NRXN1: variants seen among roughly 807,000 people sequenced by gnomAD.
The protein encoded by NRXN1 is neurexin-1.
Under a neutral mutation model 150.9 loss-of-function variants are expected in NRXN1, and 39 were observed. The ratio of observed to expected loss-of-function variants is 0.26; its 90% confidence interval spans 0.20 to 0.34. The LOEUF (loss-of-function observed/expected upper bound fraction) is 0.34, where lower values mean the gene tolerates loss of function less well. Ranked by LOEUF, NRXN1 falls within the 10% of genes least tolerant of loss-of-function variation. The pLI, the probability that NRXN1 is intolerant of heterozygous loss-of-function variation, is 1.00. For missense variants in NRXN1, 1,815 were observed against 1,949.9 expected (o/e 0.93, Z 1.30); for synonymous variants, 924 against 757.0 (o/e 1.22, Z -3.62).
intron 5 of NRXN1, among the ~76,000 whole-genome samples, chr2:50,807,411 TA>T (rs1175465478): frequency 6.6e-6 from 1 of 152,100 alleles, no homozygotes; most frequent in East Asian, 1.9e-4. Flanking sequence ...AAAGAGATTA[TA>T]ACTCTTTTTT....
intron 15 of NRXN1, among the ~76,000 whole-genome samples, chr2:50,480,692 T>G (rs1410531182): frequency 1.3e-5 from 2 of 152,156 alleles, no homozygotes; most frequent in African/African-American, 2.4e-5. Flanking sequence ...GTCCTTCTAG[T>G]TTGTAGCTTC....
intron 18 of NRXN1, among the ~76,000 whole-genome samples, chr2:50,190,145 C>G (rs1294860326): frequency 6.6e-6 from 1 of 152,048 alleles, no homozygotes; most frequent in Non-Finnish European, 1.5e-5. Flanking sequence ...AGAGTAAGAT[C>G]ATGAAAATGG....
At chr2:50,987,023 T>G (rs1372778074) in intron 2 of NRXN1, among the ~76,000 whole-genome samples, 4 of 152,034 alleles carry the variant, frequency 2.6e-5, no homozygotes, top group Middle Eastern at 3.4e-3. Context: ...GCTATTCATC[T>G]TTTACAATAA....
At chr2:50,845,689 A>G (rs1008488861) in intron 5 of NRXN1, among the ~76,000 whole-genome samples, 3 of 152,214 alleles carry the variant, frequency 2.0e-5, no homozygotes, top group Non-Finnish European at 4.4e-5. Flanking sequence ...GTCAAGTGAT[A>G]CAGTAGCATA....
chr2:50,818,000 G>C (rs550922625), intron 5 of NRXN1, among the ~76,000 whole-genome samples: 10 of 150,490 alleles, frequency 6.6e-5, no homozygotes, highest in South Asian at 2.1e-4. Flanking sequence ...GTCCCAGCTA[G>C]AGCAATGAAG....
At chr2:50,430,734 G>A (rs892218400) in intron 17 of NRXN1, among the ~76,000 whole-genome samples, 3 of 152,186 alleles carry the variant, frequency 2.0e-5, no homozygotes, top group Admixed American at 2.0e-4. Flanking sequence ...ATACTGCTGA[G>A]AACATTTCAA....
intron 21 of NRXN1, among the ~76,000 whole-genome samples, chr2:49,982,144 A>G (rs1180920073): frequency 6.6e-6 from 1 of 152,086 alleles, no homozygotes; most frequent in Non-Finnish European, 1.5e-5. Flanking sequence ...ATCCAATTCA[A>G]TTATTAAACA....
intron 17 of NRXN1, among the ~76,000 whole-genome samples, chr2:50,403,266 C>T (rs913649776): frequency 2.0e-5 from 3 of 152,082 alleles, no homozygotes; most frequent in Non-Finnish European, 4.4e-5. Flanking sequence ...TAAGGTGCTC[C>T]TTGTTTGCTT....
rs553979841 is a variant in NRXN1 at position 50,872,300 on chromosome 2, C to A, written c.832+49569G>T. ...AATGTGTAATAATGGTGATTGTACA[C>A]AGTATAACCCATGCCTACACAAGGG... On this transcript the variant is annotated intron_variant, in intron 5 of 22. Transcript: ENST00000401669. 2.6e-5 allele frequency among the ~76,000 whole-genome samples: 4 copies of A among 151,856 alleles called. No individual in the cohort carries two copies. The South Asian group carries it at 8.3e-4, about 31-fold the overall frequency.
intron 5 of NRXN1, among the ~76,000 whole-genome samples, chr2:50,892,597 A>C (rs1357633519): frequency 6.6e-6 from 1 of 152,172 alleles, no homozygotes; most frequent in Non-Finnish European, 1.5e-5. Flanking sequence ...GCAATTGTCC[A>C]ATCCTTTGAA....
At chr2:50,429,307 A>G (rs915795172) in intron 17 of NRXN1, among the ~76,000 whole-genome samples, 10 of 152,038 alleles carry the variant, frequency 6.6e-5, no homozygotes, top group Non-Finnish European at 1.2e-4. Context: ...CCAAGGCTGG[A>G]GTGCAGTGGT....
intron 18 of NRXN1, among the ~76,000 whole-genome samples, chr2:50,229,254 A>T (rs554860737): frequency 6.6e-6 from 1 of 152,032 alleles, no homozygotes; most frequent in East Asian, 2.0e-4. Context: ...TTTGGCTGAC[A>T]TATTTACAAT....
intron 21 of NRXN1, among the ~76,000 whole-genome samples, chr2:50,029,570 G>A (rs1357980075): frequency 6.6e-6 from 1 of 152,108 alleles, no homozygotes; most frequent in Non-Finnish European, 1.5e-5. Flanking sequence ...AGGAACTAAG[G>A]AAAGGCCATG....
intron 5 of NRXN1, among the ~76,000 whole-genome samples, chr2:50,749,136 G>A (rs796402457): frequency 1.1e-4 from 16 of 152,078 alleles, no homozygotes; most frequent in African/African-American, 3.9e-4. Context: ...AACCTATTTT[G>A]TTTTTGTAAT....
intron 17 of NRXN1, among the ~76,000 whole-genome samples, chr2:50,419,381 C>T (rs1370431666): frequency 6.6e-6 from 1 of 152,078 alleles, no homozygotes; most frequent in African/African-American, 2.4e-5. Flanking sequence ...AATAATTCAT[C>T]TCTGCATCAG....
chr2:50,670,980 A>G (rs1688758994), intron 5 of NRXN1, among the ~76,000 whole-genome samples: 2 of 151,838 alleles, frequency 1.3e-5, no homozygotes, highest in South Asian at 4.1e-4. Flanking sequence ...AATAAATACC[A>G]TTGGAAAGAC....
At chr2:50,245,507 G>A (rs1215204790) in intron 17 of NRXN1, among the ~76,000 whole-genome samples, 1 of 151,714 alleles carries the variant, frequency 6.6e-6, no homozygotes, top group Admixed American at 6.6e-5. Flanking sequence ...TAGGCAGCAG[G>A]GATAGGAAGA....
chr2:50,948,946 G>T (rs747665818), intron 2 of NRXN1, among the ~76,000 whole-genome samples: 3 of 151,896 alleles, frequency 2.0e-5, no homozygotes, highest in Non-Finnish European at 4.4e-5. Flanking sequence ...CACCAATTTT[G>T]GATCTGGTGG....
chr2:50,346,696 C>T lies in NRXN1; in HGVS notation c.3365-109726G>A, dbSNP rs975384483. The T allele has an allele frequency of 2.5e-6, 4 of 1,613,272 alleles. No homozygotes were observed. The highest frequency in any genetic ancestry group is 3.4e-6 in the Non-Finnish European group (4 of 1,179,622). ...ACTTGGCATCGCAGACCCACCGTGT[C>T]CGCCTCGCAAGGATGCCGGTGACCT... On this transcript the variant is annotated intron_variant, in intron 17 of 22. Transcript: ENST00000401669. The surrounding 1 kb of genome is among the most constrained non-coding windows in gnomAD (Gnocchi z 5.0).
Sources: gnomAD v4.1 joint callset for allele counts (sites outside exome capture counted in the v4.1 genomes callset) on GRCh38, gnomAD v4.1.1 for gene constraint, Gnocchi (gnomAD v3.1) non-coding constraint, MANE v1.5 for transcripts, NCBI Gene and HGNC (gene_info 2026-07-23, HGNC 2026-07-21) for gene names.